ZBTB7C: variants seen among roughly 807,000 people sequenced by gnomAD.
ZBTB7C encodes the protein zinc finger and BTB domain containing 7C, also known as zinc finger and BTB domain-containing protein 7C.
In ZBTB7C, 8 loss-of-function variants were observed where a neutral mutation model predicts 25.7. The ratio of observed to expected loss-of-function variants is 0.31; its 90% CI spans 0.18 to 0.56. ZBTB7C has a LOEUF of 0.56. Ranked by LOEUF, ZBTB7C falls within the 20% of genes least tolerant of loss-of-function variation. The pLI, the probability that ZBTB7C is intolerant of heterozygous loss-of-function variation, is 0.91. For synonymous variants in ZBTB7C, 394 were observed against 369.0 expected, an observed-to-expected ratio of 1.07 and a Z score of -0.78; for missense variants, 824 against 855.2, an observed-to-expected ratio of 0.96 and a Z score of 0.46.
intron 3 of ZBTB7C, among the ~76,000 whole-genome samples, chr18:48,086,922 G>A (rs764548271): frequency 2.6e-5 from 4 of 152,122 alleles, no homozygotes; most frequent in East Asian, 3.8e-4. Flanking sequence ...AATAGCTACC[G>A]TTTGTTGAGT....
chr18:48,041,505 C>A (rs1598761644), intron 3 of ZBTB7C: 1 of 985,276 alleles, frequency 1.0e-6, no homozygotes, highest in Admixed American at 6.1e-5. Flanking sequence ...GGAACAGGAC[C>A]CACCTCTGTG....
intron 2 of ZBTB7C, among the ~76,000 whole-genome samples, chr18:48,318,459 C>G (rs1481126607): frequency 6.6e-6 from 1 of 152,228 alleles, no homozygotes; most frequent in East Asian, 1.9e-4. Context: ...TCCACACAGC[C>G]CCTTGCAGAC....
chr18:48,290,915 T>A (rs1424256273), intron 2 of ZBTB7C, among the ~76,000 whole-genome samples: 3 of 152,222 alleles, frequency 2.0e-5, no homozygotes, highest in Non-Finnish European at 1.5e-5. Context: ...AGCCAATATA[T>A]GAAGTAGTAA....
chr18:48,029,645 A>G lies in ZBTB7C; in HGVS notation c.1475T>C (p.Leu492Pro). The G allele has an allele frequency of 1.3e-6, 2 of 1,539,388 alleles. No homozygotes were observed. The highest frequency in any genetic ancestry group is 1.7e-6 in the Non-Finnish European group (2 of 1,150,754). The change falls in exon 5 of 5, where the codon CTC (leucine) becomes CCC (proline). Residue 492 changes from leucine to proline, a missense_variant. By Grantham distance (98) the Leu-to-Pro change is moderately conservative (BLOSUM62 -3). Transcript: ENST00000590800. The part of the protein sequence containing the change: ...KPAAWRAASL[L>P]FGPGGPAPDK... ...GGGGGCCGGGCCGCCGGGCCCGAAG[A>G]GCAGGCTGGCGGCCCTCCACGCAGC... is the stretch of plus-strand genomic sequence containing the variant.
At chr18:48,293,489 T>C (rs1210692053) in intron 2 of ZBTB7C, among the ~76,000 whole-genome samples, 3 of 152,224 alleles carry the variant, frequency 2.0e-5, no homozygotes, top group Non-Finnish European at 4.4e-5. Context: ...TGGCACTTAG[T>C]ATTGTTTGCA....
upstream of ZBTB7C, among the ~76,000 whole-genome samples, chr18:48,410,518 G>A (rs2048373232): frequency 1.3e-5 from 2 of 152,196 alleles, no homozygotes; most frequent in Non-Finnish European, 2.9e-5. Flanking sequence ...CTGGGACGCC[G>A]AGTGCTCAGC....
chr18:48,205,728 T>C (rs780653688), intron 2 of ZBTB7C, among the ~76,000 whole-genome samples: 2 of 151,968 alleles, frequency 1.3e-5, no homozygotes, highest in Non-Finnish European at 2.9e-5. Flanking sequence ...GGCGAGGATG[T>C]ATAACAACTG....
chr18:48,341,142 T>C (rs1395107060), intron 1 of ZBTB7C, among the ~76,000 whole-genome samples: 3 of 152,260 alleles, frequency 2.0e-5, no homozygotes, highest in Non-Finnish European at 4.4e-5. Flanking sequence ...CTTGTTTATT[T>C]ACCCCTCCAT....
At chr18:48,233,801 G>C (rs745473790) in intron 2 of ZBTB7C, among the ~76,000 whole-genome samples, 7 of 152,184 alleles carry the variant, frequency 4.6e-5, no homozygotes, top group Non-Finnish European at 1.0e-4. Context: ...TATATCAGCT[G>C]CTGCCAGGGG....
At chr18:48,096,891 G>A (rs1038187862) in intron 3 of ZBTB7C, among the ~76,000 whole-genome samples, 2 of 152,156 alleles carry the variant, frequency 1.3e-5, no homozygotes, top group Non-Finnish European at 2.9e-5. Context: ...TGCAAGTCCC[G>A]AAAGGGAAGT....
intron 1 of ZBTB7C, among the ~76,000 whole-genome samples, chr18:48,345,697 G>T (rs2046713838): frequency 6.6e-6 from 1 of 151,904 alleles, no homozygotes; most frequent in Admixed American, 6.5e-5. Flanking sequence ...CGACCTCTGG[G>T]AGGCTGGAGA....
intron 2 of ZBTB7C, among the ~76,000 whole-genome samples, chr18:48,259,333 G>A (rs1372873490): frequency 7.6e-6 from 1 of 130,758 alleles, no homozygotes; most frequent in Admixed American, 7.2e-5. Flanking sequence ...ATGAAACAAT[G>A]AGATATTCTT....
intron 1 of ZBTB7C, among the ~76,000 whole-genome samples, chr18:48,395,123 T>C (rs550754405): frequency 1.3e-5 from 2 of 152,222 alleles, no homozygotes; most frequent in East Asian, 3.9e-4. Flanking sequence ...ACAAAGGGTC[T>C]GGGGGCTATA....
intron 1 of ZBTB7C, among the ~76,000 whole-genome samples, chr18:48,341,050 C>A (rs1598908352): frequency 6.6e-6 from 1 of 152,216 alleles, no homozygotes. Flanking sequence ...CACCACTCTA[C>A]AAGCCATTTC....
intron 3 of ZBTB7C, among the ~76,000 whole-genome samples, chr18:48,056,174 G>A (rs910945766): frequency 1.4e-4 from 22 of 152,170 alleles, no homozygotes; most frequent in Admixed American, 1.2e-3. Context: ...AAGTTATTAA[G>A]AAATGTGTAA....
At chr18:48,359,769 A>G (rs948146506) in intron 1 of ZBTB7C, among the ~76,000 whole-genome samples, 12 of 152,198 alleles carry the variant, frequency 7.9e-5, no homozygotes, top group African/African-American at 2.7e-4. Flanking sequence ...GAGGAACAAG[A>G]TGTCATTTGT....
At chr18:48,032,863 A>T (rs1244074263) in intron 4 of ZBTB7C, among the ~76,000 whole-genome samples, 1 of 152,196 alleles carries the variant, frequency 6.6e-6, no homozygotes, top group East Asian at 1.9e-4. Flanking sequence ...TAGTGTATCT[A>T]AAAGAAGTCC....
intron 3 of ZBTB7C, among the ~76,000 whole-genome samples, chr18:48,168,871 C>T (rs2041363812): frequency 6.6e-6 from 1 of 152,240 alleles, no homozygotes; most frequent in Non-Finnish European, 1.5e-5. Flanking sequence ...ACACTTATCA[C>T]ACCTTTCTCC....
At chr18:48,382,600 A>C (rs1599005086) in intron 1 of ZBTB7C, among the ~76,000 whole-genome samples, 1 of 152,232 alleles carries the variant, frequency 6.6e-6, no homozygotes, top group South Asian at 2.1e-4. Context: ...TTTCTCAGTC[A>C]ACTCTGTATT....
Sources: allele counts gnomAD v4.1 joint callset (sites outside exome capture counted in the v4.1 genomes callset), GRCh38; gene constraint gnomAD v4.1.1; transcripts MANE v1.5; gene names NCBI Gene and HGNC (gene_info 2026-07-23, HGNC 2026-07-21).